The following ASH1L variants were observed in gnomAD, a reference collection of about 807,000 sequenced individuals.
ASH1L encodes the protein histone-lysine N-methyltransferase ASH1L.
Under a neutral mutation model 269.0 loss-of-function variants are expected in ASH1L, and 23 were observed. That is an observed-to-expected ratio of 0.09 (90% CI 0.06 to 0.12). ASH1L has a LOEUF of 0.12. ASH1L is among the 10% of genes least tolerant of loss of function. The pLI, the probability that ASH1L is intolerant of heterozygous loss-of-function variation, is 1.00. For synonymous variants in ASH1L, 1,187 were observed against 1,253.5 expected (o/e 0.95, Z 1.12); for missense variants, 2,912 against 3,567.8 (o/e 0.82, Z 4.68).
chr1:155,460,512 G>T (rs1664216666), intron 3 of ASH1L, among the ~76,000 whole-genome samples: 1 of 152,112 alleles, frequency 6.6e-6, no homozygotes, highest in South Asian at 2.1e-4. Context: ...AGAGGCTGAG[G>T]CAGGAGAATC....
rs145808917 is a variant in ASH1L at position 155,448,158 on chromosome 1, G to T, written c.5087-9090C>A. Among the ~76,000 whole-genome samples the T allele has an allele frequency of 1.3e-3, 193 of 152,226 alleles. 1 individual carries two copies. Among genetic ancestry groups the T allele is most frequent in the African/African-American group, 4.5e-3 (185 of 41,532 alleles). ...TTTGTCAAAAATAAGTTCACTGTAG[G>T]TGTGTGGATTTGTTTCTGGGTTCTC... On this transcript the variant is annotated intron_variant, in intron 4 of 27. Transcript: ENST00000392403.
chr1:155,448,861 G>A (rs1406325264), intron 4 of ASH1L, among the ~76,000 whole-genome samples: 3 of 151,790 alleles, frequency 2.0e-5, no homozygotes, highest in Non-Finnish European at 4.4e-5. Context: ...GGTGAGAACT[G>A]ACTTAGATAG....
intron 1 of ASH1L, among the ~76,000 whole-genome samples, chr1:155,552,999 T>C (rs952837889): frequency 1.3e-5 from 2 of 152,194 alleles, no homozygotes; most frequent in Admixed American, 6.6e-5. Context: ...TTATCATTAC[T>C]ATATCACCAT....
intron 1 of ASH1L, among the ~76,000 whole-genome samples, chr1:155,532,458 G>A (rs1669731327): frequency 6.6e-6 from 1 of 152,048 alleles, no homozygotes; most frequent in South Asian, 2.1e-4. Flanking sequence ...CCCAACACCT[G>A]CCATTCTAAT....
intron 6 of ASH1L, among the ~76,000 whole-genome samples, chr1:155,413,733 G>A (rs1659987894): frequency 6.6e-6 from 1 of 152,040 alleles, no homozygotes; most frequent in African/African-American, 2.4e-5. Context: ...GGAATCTTAG[G>A]AATGCATAAT....
At position 155,557,375 on chromosome 1, in the gene ASH1L, G is replaced by A. The variant is rs553564784; in HGVS notation, c.-100+4778C>T. Among the ~76,000 whole-genome samples the A allele has an allele frequency of 1.9e-3, 284 of 151,996 alleles. 2 individuals are homozygous for A. The Middle Eastern group carries it at 0.031, about 16-fold the overall frequency. On this transcript the variant is annotated intron_variant, in intron 1 of 27. Transcript: ENST00000392403. The stretch of plus-strand genomic sequence containing the variant: ...CCTCCCAGGTTCACACCATTCTCCT[G>A]CCTCAGCCTCCTGAGAAGCTGGGAC...
intron 3 of ASH1L, among the ~76,000 whole-genome samples, chr1:155,465,522 ATAAAT>A (rs1664622339): frequency 6.6e-6 from 1 of 152,210 alleles, no homozygotes; most frequent in African/African-American, 2.4e-5. Flanking sequence ...TTACAGAAAA[ATAAAT>A]TAAGTATGCT....
At chr1:155,511,659 C>T (rs972207303) in intron 2 of ASH1L, among the ~76,000 whole-genome samples, 1 of 152,180 alleles carries the variant, frequency 6.6e-6, no homozygotes, top group Non-Finnish European at 1.5e-5. Flanking sequence ...GCGTGAGCCA[C>T]CACACCCAGC....
At position 155,481,559 on chromosome 1, in the gene ASH1L, C is replaced by G; in HGVS notation, c.1311G>C (p.Lys437Asn). Residue 437 changes from lysine (K) to asparagine (N), a missense_variant, in exon 3 of 28, where the codon AAG (lysine) becomes AAC (asparagine). Physicochemically the swap from Lys to Asn is moderately conservative, Grantham distance 94. This residue lies in a region of ASH1L where 715 missense variants were observed against 721.0 expected (regional missense o/e 0.99). Coordinates refer to ENST00000392403, the MANE Select transcript of ASH1L (RefSeq NM_018489.3). ...TATTGATGTTTGTACTACAAGAAGC[C>G]TTAAGCGGTTCCTGAGTGGGGAGCA... Reference protein sequence around the residue: ...EALLPTQEPLKASCSTNINNQ... With the variant: ...EALLPTQEPLNASCSTNINNQ... 6.2e-7 allele frequency: 1 copy of G among 1,614,120 alleles called. No homozygotes were observed. The highest frequency in any genetic ancestry group is 8.5e-7 in the Non-Finnish European group (1 of 1,180,000).
At chr1:155,412,834 C>T (rs1406269575) in intron 6 of ASH1L, among the ~76,000 whole-genome samples, 1 of 151,398 alleles carries the variant, frequency 6.6e-6, no homozygotes, top group East Asian at 1.9e-4. Flanking sequence ...CCAGCTGCTG[C>T]CTATTGCTTG....
rs754510395 is a variant in ASH1L, at chr1:155,479,108, G to A, written c.3762C>T (p.Arg1254=). The A allele has an allele frequency of 5.0e-6, 8 of 1,614,026 alleles. No individual in the cohort carries two copies. In the Admixed American group the frequency reaches 1.0e-4, roughly 20 times the overall value. Residue 1254 remains arginine, a synonymous_variant, in exon 3 of 28, where the codon CGC becomes CGT. Transcript: ENST00000392403. ...LKEKHKHKCK[R]RNHDYLSYDK... is the part of the protein sequence containing the mutation. ...CATAGCTGAGGTAATCATGATTCCT[G>A]CGCTTACATTTGTGTTTATGTTTTT... is the stretch of plus-strand genomic sequence containing the variant.
intron 1 of ASH1L, among the ~76,000 whole-genome samples, chr1:155,551,560 T>G (rs1475553478): frequency 7.0e-6 from 1 of 143,236 alleles, no homozygotes; most frequent in African/African-American, 2.6e-5. Flanking sequence ...CTTGGGAGGC[T>G]GAGGCAGGAG....
intron 6 of ASH1L, among the ~76,000 whole-genome samples, chr1:155,411,586 A>C: frequency 3.6e-5 from 2 of 55,188 alleles, no homozygotes; most frequent in African/African-American, 1.6e-4. Context: ...TAAATAAATA[A>C]ATATATATAT....
Position 155,484,955 on chromosome 1 carries a change from AC to A in ASH1L, c.421-2507del, listed in dbSNP as rs1366805886. Among the ~76,000 whole-genome samples the A allele has an allele frequency of 3.5e-3, 492 of 140,676 alleles. 8 individuals carry two copies. The highest frequency in any genetic ancestry group is 5.8e-3 in the Admixed American group (81 of 13,986). The allele number at this position is 140,676 out of a possible 152,430, so 92.3% of individuals were successfully genotyped here. On this transcript the variant is annotated intron_variant, in intron 2 of 27. Coordinates refer to ENST00000392403, the MANE Select transcript of ASH1L (RefSeq NM_018489.3). ...AAAAAAAAAAAAAACAAAAACAAAAACAAAAACAAAAACCAACCAACCACCC... is the reference window on the plus strand; with the variant it reads ...AAAAAAAAAAAAAACAAAAACAAAAAAAAAACAAAAACCAACCAACCACCC...
rs141784791 is a variant in ASH1L, at chr1:155,556,531, A to G, written c.-100+5622T>C. On this transcript the variant is annotated intron_variant, in intron 1 of 27. Coordinates refer to ENST00000392403, the MANE Select transcript of ASH1L (RefSeq NM_018489.3). Reference sequence around the variant, plus strand: ...GTGATCTCAGCTCACTGCAACCTCCACCTCCCAGGTTCAACTGATTCTTCT... The same window carrying G: ...GTGATCTCAGCTCACTGCAACCTCCGCCTCCCAGGTTCAACTGATTCTTCT... 0.01 allele frequency among the ~76,000 whole-genome samples: 1,534 copies of G among 151,510 alleles called. 50 individuals are homozygous for G. In the East Asian group the frequency reaches 0.16, roughly 16 times the overall value.
chr1:155,364,876 A>C (rs1379843325), intron 12 of ASH1L, among the ~76,000 whole-genome samples: 2 of 140,286 alleles, frequency 1.4e-5, no homozygotes, highest in East Asian at 4.5e-4. Flanking sequence ...TGGGAGGAGG[A>C]GGCTGCAGTG....
intron 2 of ASH1L, among the ~76,000 whole-genome samples, chr1:155,492,997 C>T (rs1181298702): frequency 6.6e-6 from 1 of 151,894 alleles, no homozygotes; most frequent in African/African-American, 2.4e-5. Context: ...CTAATTTTTT[C>T]TAGAGATAAG....
At chr1:155,395,667 TA>T (rs944379735) in intron 6 of ASH1L, 114 bp from the exon 7 acceptor site, 12,170 of 492,888 alleles carry the variant, frequency 0.025, no homozygotes, top group South Asian at 0.031. Context: ...ATTGATAAAT[TA>T]AAAAAAAAAA....
At position 155,385,956 on chromosome 1, in the gene ASH1L, TA is replaced by T. The variant is rs763927501; in HGVS notation, c.6104-5841del. On this transcript the variant is annotated intron_variant, in intron 7 of 27. Transcript: ENST00000392403. ...TAGTTATGTTACTGCTAGGTGTTGGTAAAAGTCTGACTCGGCTAGACCTCCT... is the reference window on the plus strand; with the variant it reads ...TAGTTATGTTACTGCTAGGTGTTGGTAAAGTCTGACTCGGCTAGACCTCCT... 9.9e-5 allele frequency among the ~76,000 whole-genome samples: 15 copies of T among 152,234 alleles called. No individual in the cohort carries two copies. In the East Asian group the frequency reaches 2.5e-3, roughly 25 times the overall value.
Sources: allele counts gnomAD v4.1 joint callset (sites outside exome capture counted in the v4.1 genomes callset), GRCh38; gene constraint gnomAD v4.1.1; regional missense constraint gnomAD v4.1.1; transcripts MANE v1.5; gene names NCBI Gene and HGNC (gene_info 2026-07-23, HGNC 2026-07-21).